ZNF415: variants seen among roughly 807,000 people sequenced by gnomAD.
ZNF415 encodes zinc finger protein 415.
A neutral mutation model predicts 7.3 loss-of-function variants in ZNF415; 5 were observed. That is an observed-to-expected ratio of 0.69 (90% CI 0.36 to 1.44). The LOEUF (loss-of-function observed/expected upper bound fraction) is 1.44, where lower values mean the gene tolerates loss of function less well. Among genes scored for constraint, ZNF415 ranks in the 40% most tolerant of loss-of-function variants. The probability of loss-of-function intolerance (pLI) is 0.04; values close to 1 mark genes in which losing one functional copy is unlikely to be tolerated. For missense variants in ZNF415, 628 were observed against 664.8 expected, an observed-to-expected ratio of 0.94 and a Z score of 0.61; for synonymous variants, 207 against 226.3, an observed-to-expected ratio of 0.91 and a Z score of 0.77.
Position 53,117,441 on chromosome 19 carries a change from C to CAAAAAA in ZNF415, c.16-1014_16-1009dup, listed in dbSNP as rs58567730. Among the ~76,000 whole-genome samples, 866 of 123,486 alleles carry CAAAAAA rather than the reference C, an allele frequency of 7.0e-3. 8 individuals are homozygous for CAAAAAA. The highest frequency in any genetic ancestry group is 0.024 in the African/African-American group (812 of 33,828). The allele number at this position is 123,486 out of a possible 152,430, so 81.0% of individuals were successfully genotyped here. On this transcript the variant is annotated intron_variant, in intron 2 of 3. Coordinates refer to ENST00000243643, the MANE Select transcript of ZNF415 (RefSeq NM_018355.4). ...GGGCAACAAGGGCGAAATTCCGTCT[C>CAAAAAA]AAAAAAAAAAAAGAAAGAAAGAGAA...
chr19:53,119,213 C>T lies in ZNF415; in HGVS notation c.16-2780G>A, dbSNP rs374153692. ...AGGAGAATGGCATGAACCCAGGAGG[C>T]GGAGCTTGCAGTGAGCCCAGACCGA... On this transcript the variant is annotated intron_variant, in intron 2 of 3. Coordinates refer to ENST00000243643, the MANE Select transcript of ZNF415 (RefSeq NM_018355.4). Among the ~76,000 whole-genome samples the T allele has an allele frequency of 4.1e-3, 620 of 151,926 alleles. 8 individuals carry two copies. The highest frequency in any genetic ancestry group is 0.014 in the African/African-American group (598 of 41,464).
At chr19:53,116,488 T>C in intron 2 of ZNF415, 55 bp from the exon 3 acceptor site, 1 of 1,607,032 alleles carries the variant, frequency 6.2e-7, no homozygotes, top group Non-Finnish European at 8.5e-7. Flanking sequence ...GGAGTTACCA[T>C]CTTCACACAA....
chr19:53,126,143 G>C (rs2089050738), intron 1 of ZNF415, among the ~76,000 whole-genome samples: 1 of 151,594 alleles, frequency 6.6e-6, no homozygotes, highest in African/African-American at 2.4e-5. Context: ...ATGTGTGCAG[G>C]GGTCCTGTTT....
chr19:53,125,635 T>C (rs563170158), intron 1 of ZNF415, among the ~76,000 whole-genome samples: 72 of 150,424 alleles, frequency 4.8e-4, no homozygotes, highest in South Asian at 1.3e-3. Context: ...ATGCCTGCCA[T>C]ATCACTATCA....
intron 3 of ZNF415, among the ~76,000 whole-genome samples, chr19:53,114,957 C>T (rs920175193): frequency 6.6e-6 from 1 of 152,126 alleles, no homozygotes; most frequent in Non-Finnish European, 1.5e-5. Context: ...TGGGGTGGAG[C>T]ATGGATAGCT....
At position 53,109,245 on chromosome 19, in the gene ZNF415, G is replaced by C; in HGVS notation, c.800C>G (p.Thr267Ser). The change falls in exon 4 of 4, where the codon ACT (threonine) becomes AGT (serine). Residue 267 changes from threonine to serine, a missense_variant. Physicochemically the swap from Thr to Ser is moderately conservative, Grantham distance 58. Coordinates refer to ENST00000243643, the MANE Select transcript of ZNF415 (RefSeq NM_018355.4). ...ATTACATTTGTATGGTTTCTCTCCA[G>C]TATGAACTCTCCAATGACGCGCAAG... Reference protein sequence around the residue: ...SNLARHWRVHTGEKPYKCNEC... With the variant: ...SNLARHWRVHSGEKPYKCNEC... The C allele has an allele frequency of 6.2e-7, 1 of 1,614,172 alleles. No homozygotes were observed. The highest frequency in any genetic ancestry group is 2.2e-5 in the East Asian group (1 of 44,882).
intron 1 of ZNF415, among the ~76,000 whole-genome samples, chr19:53,132,353 G>A (rs893050005): frequency 3.3e-5 from 5 of 152,140 alleles, no homozygotes; most frequent in Non-Finnish European, 5.9e-5. Flanking sequence ...TCACAGGACA[G>A]GCCCTGAGCA....
rs2085842536 is a variant in ZNF415, at chr19:53,109,182, G to A, written c.863C>T (p.Ala288Val). 6.2e-7 allele frequency: 1 copy of A among 1,614,054 alleles called. No individual in the cohort carries two copies. The highest frequency in any genetic ancestry group is 8.5e-7 in the Non-Finnish European group (1 of 1,179,986). Residue 288 changes from alanine (A) to valine (V), a missense_variant, in exon 4 of 4, where the codon GCA becomes GTA. Physicochemically the swap from Ala to Val is moderately conservative, Grantham distance 64 (BLOSUM62 0). Transcript: ENST00000243643. ...TCCAGTGTGAACTCTCCGATGTAGT[G>A]CAAGGCATGAGTTGCGACTGAAACT... ...DRSFSRNSCL[A>V]LHRRVHTGEK...
At chr19:53,117,543 A>G (rs1013431977) in intron 2 of ZNF415, among the ~76,000 whole-genome samples, 1 of 152,164 alleles carries the variant, frequency 6.6e-6, no homozygotes, top group African/African-American at 2.4e-5. Context: ...ATTTCTCAAT[A>G]GAAACCTTAC....
intron 2 of ZNF415, among the ~76,000 whole-genome samples, chr19:53,117,850 A>G (rs1369798273): frequency 1.3e-5 from 2 of 152,212 alleles, no homozygotes; most frequent in South Asian, 2.1e-4. Context: ...TGTAAATGTT[A>G]CTATTATAGA....
rs2085870125 is a variant in ZNF415 at position 53,109,314 on chromosome 19, T to C, written c.731A>G (p.Tyr244Cys). Residue 244 changes from tyrosine (Y) to cysteine (C), a missense_variant, in exon 4 of 4, where the codon TAT becomes TGT. Physicochemically the swap from Tyr to Cys is radical, Grantham distance 194. Transcript: ENST00000243643. Reference protein sequence around the residue: ...RQVSHSGEKGYKCDLCGKVFS... With the variant: ...RQVSHSGEKGCKCDLCGKVFS... The stretch of plus-strand genomic sequence containing the variant: ...GACCTTGCCACACAGATCACATTTA[T>C]ATCCTTTCTCTCCAGAATGACTTAC... 6.2e-7 allele frequency: 1 copy of C among 1,614,204 alleles called. No individual in the cohort carries two copies. Among genetic ancestry groups the C allele is most frequent in the Non-Finnish European group, 8.5e-7 (1 of 1,180,022 alleles).
In ZNF415 at chr19:53,116,371, T is replaced by G; in HGVS notation, c.78A>C (p.Thr26=). 6.2e-7 allele frequency: 1 copy of G among 1,614,058 alleles called. No individual in the cohort carries two copies. The highest frequency in any genetic ancestry group is 8.5e-7 in the Non-Finnish European group (1 of 1,179,976). ...TCACATCCCTGTATAAAGTCCTCTG[T>G]GTAGAGTTCAGGCATTTCCACTCAT... is the stretch of plus-strand genomic sequence containing the variant. ...SQDEWKCLNS[T]QRTLYRDVML... is the part of the protein sequence containing the mutation. The change falls in exon 3 of 4, where the codon ACA becomes ACC. Residue 26 remains threonine (T), a synonymous_variant. Transcript: ENST00000243643.
Position 53,109,590 on chromosome 19 carries a change from T to C in ZNF415, c.455A>G (p.Gln152Arg). ...SFLPHPHELQ[Q>R]FQAEGKIYEC... ...ATAAATTTTCCCTTCAGCTTGAAAC[T>C]GCTGCAGTTCATGGGGATGTGGTAG... is the stretch of plus-strand genomic sequence containing the variant. Residue 152 changes from glutamine (Q) to arginine (R), a missense_variant, in exon 4 of 4, where the codon CAG becomes CGG. Physicochemically the swap from Gln to Arg is conservative, Grantham distance 43. Coordinates refer to ENST00000243643, the MANE Select transcript of ZNF415 (RefSeq NM_018355.4). The C allele has an allele frequency of 2.5e-6, 4 of 1,614,190 alleles. No homozygotes were observed. The highest frequency in any genetic ancestry group is 3.4e-6 in the Non-Finnish European group (4 of 1,180,018).
chr19:53,116,938 C>A (rs1169640068), intron 2 of ZNF415, among the ~76,000 whole-genome samples: 1 of 151,826 alleles, frequency 6.6e-6, no homozygotes, highest in Non-Finnish European at 1.5e-5. Flanking sequence ...CATAAGGTGA[C>A]CAAATATTTG....
At position 53,108,791 on chromosome 19, in the gene ZNF415, A is replaced by G. The variant is rs768203283; in HGVS notation, c.1254T>C (p.Gly418=). The change falls in exon 4 of 4, where the codon GGT becomes GGC. Residue 418 remains glycine (G), a synonymous_variant. Coordinates refer to ENST00000243643, the MANE Select transcript of ZNF415 (RefSeq NM_018355.4). ...GEKPYKCNEC[G]KVFSYNSHLA... is the part of the protein sequence containing the mutation. ...GGTGTGAATTGTAACTGAAAACCTT[A>G]CCACATTCATTGCATTTGTAAGGTT... The G allele has an allele frequency of 6.2e-7, 1 of 1,613,082 alleles. No individual in the cohort carries two copies. Among genetic ancestry groups the G allele is most frequent in the East Asian group, 2.2e-5 (1 of 44,824 alleles).
At chr19:53,125,289 G>A (rs1025103761) in intron 1 of ZNF415, among the ~76,000 whole-genome samples, 11 of 151,092 alleles carry the variant, frequency 7.3e-5, no homozygotes, top group Admixed American at 1.3e-4. Flanking sequence ...TGATCTGCCC[G>A]CCTCAGCCTC....
intron 1 of ZNF415, among the ~76,000 whole-genome samples, chr19:53,131,524 C>T (rs546797779): frequency 3.1e-4 from 47 of 152,058 alleles, no homozygotes; most frequent in African/African-American, 1.1e-3. Flanking sequence ...CCTGGGGTCC[C>T]CCTCTTTCCT....
At chr19:53,115,607 A>C in intron 3 of ZNF415, 1 of 928,396 alleles carries the variant, frequency 1.1e-6, no homozygotes, top group Non-Finnish European at 1.7e-6. Flanking sequence ...CTCACAGGAT[A>C]TAAACATTTG....
At chr19:53,116,609 C>T (rs376377795) in intron 2 of ZNF415, among the ~76,000 whole-genome samples, 176 bp from the exon 3 acceptor site, 37 of 81,102 alleles carry the variant, frequency 4.6e-4, no homozygotes, top group African/African-American at 1.8e-3. Flanking sequence ...GGTTTTTTTT[C>T]TCTCTTTTTT....
Sources: gnomAD v4.1 joint callset for allele counts (sites outside exome capture counted in the v4.1 genomes callset) on GRCh38, gnomAD v4.1.1 for gene constraint, MANE v1.5 for transcripts, NCBI Gene and HGNC (gene_info 2026-07-23, HGNC 2026-07-21) for gene names.